NRG3: variants seen among roughly 807,000 people sequenced by gnomAD.
NRG3 encodes pro-neuregulin-3, membrane-bound isoform.
A neutral mutation model predicts 66.9 loss-of-function variants in NRG3; 31 were observed. That is an observed-to-expected ratio of 0.46 (90% confidence interval 0.35 to 0.63). The LOEUF (loss-of-function observed/expected upper bound fraction) is 0.63. NRG3 is among the 20% of genes least tolerant of loss of function. The pLI is 0.00. For missense variants in NRG3, 910 were observed against 878.9 expected, an observed-to-expected ratio of 1.04 and a Z score of -0.45; for synonymous variants, 393 against 359.4, an observed-to-expected ratio of 1.09 and a Z score of -1.06.
chr10:82,883,240 CT>C lies in NRG3; in HGVS notation c.1054+17810del, dbSNP rs372898060. On this transcript the variant is annotated intron_variant, in intron 4 of 8. Transcript: ENST00000372141. ...AATCAAACACTATGTATTTACAGGTCTTTTTTTGCAACAATTGCCCAATCAA... is the reference window on the plus strand; with the variant it reads ...AATCAAACACTATGTATTTACAGGTCTTTTTTGCAACAATTGCCCAATCAA... Among the ~76,000 whole-genome samples, 478 of 149,888 alleles carry C rather than the reference CT, an allele frequency of 3.2e-3. 1 individual carries two copies. In the Middle Eastern group the frequency reaches 0.034, roughly 11 times the overall value.
At chr10:82,397,140 G>T (rs1399404005) in intron 2 of NRG3, among the ~76,000 whole-genome samples, 1 of 152,146 alleles carries the variant, frequency 6.6e-6, no homozygotes, top group Non-Finnish European at 1.5e-5. Flanking sequence ...TGCCCATCTT[G>T]GAAGGAAATG....
At chr10:82,413,306 C>T (rs2088260081) in intron 2 of NRG3, among the ~76,000 whole-genome samples, 1 of 152,132 alleles carries the variant, frequency 6.6e-6, no homozygotes, top group Non-Finnish European at 1.5e-5. Context: ...TCTTGGAGCT[C>T]TGGGGTGACC....
chr10:82,918,833 A>G (rs1244916127), intron 4 of NRG3, among the ~76,000 whole-genome samples: 1 of 152,208 alleles, frequency 6.6e-6, no homozygotes, highest in African/African-American at 2.4e-5. Context: ...CAGTCCTTCA[A>G]GTGTAATTTT....
At chr10:82,479,973 C>T (rs943826059) in intron 2 of NRG3, among the ~76,000 whole-genome samples, 1 of 150,700 alleles carries the variant, frequency 6.6e-6, no homozygotes, top group African/African-American at 2.5e-5. Flanking sequence ...GTCTCAAAAA[C>T]AAAAACAAAA....
chr10:82,735,512 G>A (rs2058110103), intron 2 of NRG3, among the ~76,000 whole-genome samples: 2 of 152,106 alleles, frequency 1.3e-5, no homozygotes. Flanking sequence ...CAACCAAAAT[G>A]CCTATCAATG....
chr10:82,806,812 G>A (rs1019812379), intron 3 of NRG3, among the ~76,000 whole-genome samples: 4 of 152,182 alleles, frequency 2.6e-5, no homozygotes, highest in Admixed American at 6.5e-5. Flanking sequence ...TTCCTCTGCA[G>A]TTTGGATCAT....
chr10:82,493,636 G>T (rs527441401), intron 2 of NRG3, among the ~76,000 whole-genome samples: 2 of 152,036 alleles, frequency 1.3e-5, no homozygotes, highest in Non-Finnish European at 2.9e-5. Context: ...ATTCCTCTAG[G>T]TATATACCTA....
In NRG3 at chr10:82,748,536, A is replaced by G. The variant is rs147990183; in HGVS notation, c.1027+9886A>G. Among the ~76,000 whole-genome samples, 482 of 150,986 alleles carry G rather than the reference A, an allele frequency of 3.2e-3. 4 individuals carry two copies. Among genetic ancestry groups the G allele is most frequent in the African/African-American group, 0.011 (446 of 41,370 alleles). The stretch of plus-strand genomic sequence containing the variant: ...TTGCAAAATATGGTAGGATTGCACA[A>G]TTTTTTCAATATCTTTTGTGTATCT... On this transcript the variant is annotated intron_variant, in intron 3 of 8. Transcript: ENST00000372141.
chr10:82,004,034 C>CAG (rs1166423702), intron 1 of NRG3, among the ~76,000 whole-genome samples: 4 of 146,542 alleles, frequency 2.7e-5, no homozygotes, highest in South Asian at 2.2e-4. Context: ...CACACACACA[C>CAG]AGATACCTTA....
intron 1 of NRG3, among the ~76,000 whole-genome samples, chr10:82,034,884 A>G (rs1345119860): frequency 6.6e-6 from 1 of 152,052 alleles, no homozygotes; most frequent in Admixed American, 6.6e-5. Context: ...GCCCACACCC[A>G]GTGGACTAAA....
At chr10:82,199,137 A>G (rs1223536792) in intron 1 of NRG3, among the ~76,000 whole-genome samples, 2 of 148,148 alleles carry the variant, frequency 1.3e-5, no homozygotes, top group Admixed American at 6.9e-5. Context: ...CTACCCCTGC[A>G]CTCCAGCTTG....
chr10:82,978,674 G>A (rs190539084), intron 7 of NRG3, among the ~76,000 whole-genome samples: 9 of 152,256 alleles, frequency 5.9e-5, no homozygotes, highest in Admixed American at 1.3e-4. Flanking sequence ...TACCTTGGCT[G>A]GAAAGTTGCA....
At chr10:82,178,688 G>T (rs1189267783) in intron 1 of NRG3, among the ~76,000 whole-genome samples, 2 of 152,072 alleles carry the variant, frequency 1.3e-5, no homozygotes, top group African/African-American at 4.8e-5. Flanking sequence ...TGGGAGTGCA[G>T]ATATCTCTCT....
At chr10:82,311,601 T>G (rs2081030775) in intron 1 of NRG3, among the ~76,000 whole-genome samples, 1 of 152,222 alleles carries the variant, frequency 6.6e-6, no homozygotes, top group South Asian at 2.1e-4. Context: ...ATGTTCAGTG[T>G]GGCAGGTAGG....
chr10:82,884,943 G>A (rs1842607697), intron 4 of NRG3, among the ~76,000 whole-genome samples: 2 of 152,162 alleles, frequency 1.3e-5, no homozygotes, highest in Admixed American at 6.5e-5. Context: ...CAGTCATTCT[G>A]TCCTTCAGAT....
rs75313452 is a variant in NRG3 at position 81,937,815 on chromosome 10, G to A, written c.823+61652G>A. Among the ~76,000 whole-genome samples the A allele has an allele frequency of 7.2e-5, 11 of 152,006 alleles. No homozygotes were observed. In the East Asian group the frequency reaches 9.7e-4, roughly 13 times the overall value. ...TTTGGTGTGATAGCCAAGAAATATC[G>A]CCAAATCTAATGTTATAAAGCTTCT... On this transcript the variant is annotated intron_variant, in intron 1 of 8. Coordinates refer to ENST00000372141, the MANE Select transcript of NRG3 (RefSeq NM_001010848.4).
chr10:82,092,863 G>T (rs2066110506), intron 1 of NRG3, among the ~76,000 whole-genome samples: 1 of 152,108 alleles, frequency 6.6e-6, no homozygotes, highest in Non-Finnish European at 1.5e-5. Flanking sequence ...GCATCTGCCT[G>T]GACTGCTTGG....
Position 82,940,907 on chromosome 10 carries a change from C to T in NRG3, c.1055-10562C>T, listed in dbSNP as rs539176028. Among the ~76,000 whole-genome samples, 38 of 152,262 alleles carry T rather than the reference C, an allele frequency of 2.5e-4. No individual in the cohort carries two copies. In the South Asian group the frequency reaches 3.1e-3, roughly 12 times the overall value. ...GGGCACACCAATATTCAGACCATAGCAGACGCTATACTCAAATAAGGTCAT... is the reference window on the plus strand; with the variant it reads ...GGGCACACCAATATTCAGACCATAGTAGACGCTATACTCAAATAAGGTCAT... On this transcript the variant is annotated intron_variant, in intron 4 of 8. Transcript: ENST00000372141.
At chr10:82,887,454 T>C (rs533141970) in intron 4 of NRG3, among the ~76,000 whole-genome samples, 5 of 152,200 alleles carry the variant, frequency 3.3e-5, no homozygotes, top group Non-Finnish European at 5.9e-5. Flanking sequence ...ATAGAGCAAA[T>C]TGTTAGAATC....
Sources: gnomAD v4.1 joint callset for allele counts (sites outside exome capture counted in the v4.1 genomes callset) on GRCh38, gnomAD v4.1.1 for gene constraint, MANE v1.5 for transcripts, NCBI Gene and HGNC (gene_info 2026-07-23, HGNC 2026-07-21) for gene names.